SLC44A5: variants seen among roughly 807,000 people sequenced by gnomAD.
SLC44A5 encodes the protein solute carrier family 44 member 5.
A neutral mutation model predicts 101.8 loss-of-function variants in SLC44A5; 57 were observed. That is an observed-to-expected ratio of 0.56 (90% CI 0.45 to 0.70). SLC44A5 has a LOEUF of 0.70. Among genes scored for constraint, SLC44A5 ranks in the 30% least tolerant of loss-of-function variants. The probability of loss-of-function intolerance (pLI) is 0.00; values close to 1 mark genes in which losing one functional copy is unlikely to be tolerated. For missense variants in SLC44A5, 737 were observed against 853.1 expected (o/e 0.86, Z 1.70); for synonymous variants, 281 against 290.9 (o/e 0.97, Z 0.35).
chr1:75,357,701 T>C (rs1384527047), intron 3 of SLC44A5, among the ~76,000 whole-genome samples: 1 of 152,104 alleles, frequency 6.6e-6, no homozygotes, highest in Admixed American at 6.6e-5. Flanking sequence ...AAACTTGGGA[T>C]AGAAAATCCT....
At position 75,218,699 on chromosome 1, in the gene SLC44A5, A is replaced by C; in HGVS notation, c.1320T>G (p.Phe440Leu). The change falls in exon 17 of 24, where the codon TTT (phenylalanine) becomes TTG (leucine). Residue 440 changes from phenylalanine to leucine, a missense_variant. Coordinates refer to ENST00000370859, the MANE Select transcript of SLC44A5 (RefSeq NM_001130058.2). The stretch of plus-strand genomic sequence containing the variant: ...ACAAGCTCTTTCCACCATAGAAAGC[A>C]AAGTTACACAGAGCCCCAGGGCAAG... ...AKACPGALCN[F>L]AFYGGKSLYH... The C allele has an allele frequency of 6.2e-7, 1 of 1,613,746 alleles. No individual in the cohort carries two copies. Among genetic ancestry groups the C allele is most frequent in the Non-Finnish European group, 8.5e-7 (1 of 1,179,730 alleles).
chr1:75,522,939 T>TC (rs1295280400), intron 2 of SLC44A5, among the ~76,000 whole-genome samples: 1 of 152,148 alleles, frequency 6.6e-6, no homozygotes, highest in African/African-American at 2.4e-5. Flanking sequence ...TTCATTTGAT[T>TC]CCCCTTAGAG....
At chr1:75,235,554 G>A (rs60198223) in intron 11 of SLC44A5, among the ~76,000 whole-genome samples, 1 of 151,820 alleles carries the variant, frequency 6.6e-6, no homozygotes, top group African/African-American at 2.4e-5. Context: ...TACAATCTCT[G>A]CTGGAGATAA....
In SLC44A5 at chr1:75,299,846, T is replaced by A. The variant is rs4949840; in HGVS notation, c.175+766A>T. Among the ~76,000 whole-genome samples, 270 of 61,806 alleles carry A rather than the reference T, an allele frequency of 4.4e-3. 2 individuals are homozygous for A. The East Asian group carries it at 0.07, about 16-fold the overall frequency. The allele number at this position is 61,806 out of a possible 152,430, so 40.5% of individuals were successfully genotyped here. ...CAACATGGTGAAACCTTGTCTCTACTAAAAAAAAAAAATACAAAAATTAGC... is the reference window on the plus strand; with the variant it reads ...CAACATGGTGAAACCTTGTCTCTACAAAAAAAAAAAAATACAAAAATTAGC... On this transcript the variant is annotated intron_variant, in intron 5 of 23. Transcript: ENST00000370859.
rs12083657 is a variant in SLC44A5, at chr1:75,407,547, A to G, written c.14-10926T>C. Among the ~76,000 whole-genome samples, 1,340 of 152,322 alleles carry G rather than the reference A, an allele frequency of 8.8e-3. 22 individuals are homozygous for G. The highest frequency in any genetic ancestry group is 0.03 in the African/African-American group (1,256 of 41,576). ...AATGGAACAGAACAGAGGTCTCAGAAATAATGCCACACATCTACAACCATC... is the reference window on the plus strand; with the variant it reads ...AATGGAACAGAACAGAGGTCTCAGAGATAATGCCACACATCTACAACCATC... On this transcript the variant is annotated intron_variant, in intron 2 of 23. Coordinates refer to ENST00000370859, the MANE Select transcript of SLC44A5 (RefSeq NM_001130058.2).
intron 2 of SLC44A5, among the ~76,000 whole-genome samples, chr1:75,448,167 T>C (rs1056791245): frequency 3.3e-5 from 5 of 152,146 alleles, no homozygotes; most frequent in Middle Eastern, 3.2e-3. Context: ...CAAAAAATGC[T>C]CTATCACAAA....
At chr1:75,695,706 T>C in the SLC44A5 span, among the ~76,000 whole-genome samples, 1 of 148,374 alleles carries the variant, frequency 6.7e-6, no homozygotes, top group African/African-American at 2.4e-5. Flanking sequence ...TATATGTATA[T>C]AAAAATATAT....
At chr1:75,300,194 C>A (rs953976206) in intron 5 of SLC44A5, among the ~76,000 whole-genome samples, 1 of 152,006 alleles carries the variant, frequency 6.6e-6, no homozygotes, top group Non-Finnish European at 1.5e-5. Flanking sequence ...TGGTGAAATT[C>A]GTAATAATTG....
At chr1:75,703,277 T>C in the SLC44A5 span, among the ~76,000 whole-genome samples, 2 of 151,852 alleles carry the variant, frequency 1.3e-5, no homozygotes, top group Non-Finnish European at 2.9e-5. Flanking sequence ...CCAACGATGA[T>C]AGACTGGATT....
At position 75,381,050 on chromosome 1, in the gene SLC44A5, G is replaced by A. The variant is rs1489965117; in HGVS notation, c.52+15533C>T. 6.2e-5 allele frequency among the ~76,000 whole-genome samples: 5 copies of A among 80,312 alleles called. 2 individuals are homozygous for A. Among genetic ancestry groups the A allele is most frequent in the Non-Finnish European group, 1.1e-4 (5 of 47,092 alleles). 52.7% of individuals were successfully genotyped at this position (80,312 alleles called of 152,430 possible). ...GTAAGCGGGATGTCACTCAGGCCAC[G>A]GGTAAATTATTTACAAGACTTTCCT... On this transcript the variant is annotated intron_variant, in intron 3 of 23. Coordinates refer to ENST00000370859, the MANE Select transcript of SLC44A5 (RefSeq NM_001130058.2).
chr1:75,318,353 G>A (rs922295345), intron 4 of SLC44A5, among the ~76,000 whole-genome samples: 6 of 147,692 alleles, frequency 4.1e-5, no homozygotes. Flanking sequence ...CTCCAGCCTG[G>A]GCAAAATCCC....
At chr1:75,282,724 A>G (rs1652706333) in intron 5 of SLC44A5, among the ~76,000 whole-genome samples, 1 of 152,108 alleles carries the variant, frequency 6.6e-6, no homozygotes, top group South Asian at 2.1e-4. Flanking sequence ...TGGTTTTATA[A>G]GGGGCTTTTC....
intron 2 of SLC44A5, chr1:75,537,987 A>G (rs944556682): frequency 1.3e-5 from 2 of 152,200 alleles, no homozygotes; most frequent in African/African-American, 2.4e-5. Context: ...TGCTATTGGA[A>G]CCCAAAGAAA....
At chr1:75,661,922 A>G in the SLC44A5 span, among the ~76,000 whole-genome samples, 3 of 152,104 alleles carry the variant, frequency 2.0e-5, no homozygotes, top group African/African-American at 7.2e-5. Flanking sequence ...TATAGCCACT[A>G]TGGAAAGCAG....
At chr1:75,241,333 C>G (rs1040350074) in intron 9 of SLC44A5, among the ~76,000 whole-genome samples, 4 of 151,970 alleles carry the variant, frequency 2.6e-5, no homozygotes, top group Non-Finnish European at 2.9e-5. Context: ...AAGTGATCCT[C>G]CCTTCTTGAC....
chr1:75,383,672 C>G (rs1661076469), intron 3 of SLC44A5, among the ~76,000 whole-genome samples: 2 of 152,246 alleles, frequency 1.3e-5, no homozygotes. Flanking sequence ...TCTAGCAAGG[C>G]AGGCCAACAT....
chr1:75,485,255 T>A (rs900179430), intron 2 of SLC44A5, among the ~76,000 whole-genome samples: 3 of 152,230 alleles, frequency 2.0e-5, no homozygotes, highest in Admixed American at 6.5e-5. Context: ...AGACAATCTC[T>A]TTGTGAACAC....
chr1:75,363,699 C>T lies in SLC44A5; in HGVS notation c.53-24069G>A, dbSNP rs1024931063. Among the ~76,000 whole-genome samples, 26 of 152,118 alleles carry T rather than the reference C, an allele frequency of 1.7e-4. 1 individual carries two copies. The highest frequency in any genetic ancestry group is 5.6e-4 in the African/African-American group (23 of 41,440). On this transcript the variant is annotated intron_variant, in intron 3 of 23. Coordinates refer to ENST00000370859, the MANE Select transcript of SLC44A5 (RefSeq NM_001130058.2). ...ACCTCTCATATTAGAGATAAAATTG[C>T]TTTCCACATCACCCTTACAATATCA...
At chr1:75,476,014 C>T (rs946676819) in intron 2 of SLC44A5, among the ~76,000 whole-genome samples, 2 of 152,128 alleles carry the variant, frequency 1.3e-5, no homozygotes, top group African/African-American at 4.8e-5. Flanking sequence ...GAAGCTCTGT[C>T]TCTACTAAAA....
Sources: gnomAD v4.1 joint callset for allele counts (sites outside exome capture counted in the v4.1 genomes callset) on GRCh38, gnomAD v4.1.1 for gene constraint, MANE v1.5 for transcripts, NCBI Gene and HGNC (gene_info 2026-07-23, HGNC 2026-07-21) for gene names.